Variants in MYH11 observed in about 807,000 individuals in gnomAD.
MYH11 encodes myosin-11.
MYH11 carries 80 observed loss-of-function variants against 246.6 expected under a neutral mutation model. The observed-to-expected ratio is 0.32, with a 90% CI of 0.27 to 0.39. MYH11 has a LOEUF of 0.39. Among genes scored for constraint, MYH11 ranks in the 10% least tolerant of loss-of-function variants. The probability of loss-of-function intolerance (pLI) is 1.00; values close to 1 mark genes in which losing one functional copy is unlikely to be tolerated. For synonymous variants in MYH11, 1,071 were observed against 1,015.5 expected (o/e 1.05, Z -1.04); for missense variants, 2,158 against 2,546.8 (o/e 0.85, Z 3.29).
chr16:15,806,858 G>A (rs1364037348), intron 3 of MYH11, among the ~76,000 whole-genome samples: 1 of 152,114 alleles, frequency 6.6e-6, no homozygotes, highest in Non-Finnish European at 1.5e-5. Context: ...GGCAACCAAG[G>A]TAGAAGCAAT....
intron 20 of MYH11, among the ~76,000 whole-genome samples, chr16:15,743,232 G>A (rs1336294579): frequency 2.6e-5 from 4 of 152,090 alleles, no homozygotes; most frequent in African/African-American, 9.7e-5. Flanking sequence ...GCAGTGGCAC[G>A]ATCTCAGCTC....
At chr16:15,714,767 A>G (rs1427766082) in intron 40 of MYH11, 142 bp downstream of exon 40, 1 of 1,097,502 alleles carries the variant, frequency 9.1e-7, no homozygotes, top group Non-Finnish European at 1.4e-6. Flanking sequence ...AAGCTTAGTG[A>G]TTAAGGAGAA....
chr16:15,775,981 G>T (rs1429200645), intron 8 of MYH11, 97 bp downstream of exon 8: 2 of 892,338 alleles, frequency 2.2e-6, no homozygotes, highest in Non-Finnish European at 3.8e-6. Flanking sequence ...TTTCTGGCAG[G>T]ATCTGAGACT....
rs374424173 is a variant in MYH11, at chr16:15,780,267, A to G, written c.727-1424T>C. Reference sequence around the variant, plus strand: ...TGGAAGCCATTATTTGGCTTGTCACATGTTGGGGGGGGGCCGCTGTTGTTA... The same window carrying G: ...TGGAAGCCATTATTTGGCTTGTCACGTGTTGGGGGGGGGCCGCTGTTGTTA... On this transcript the variant is annotated intron_variant, in intron 6 of 40. Transcript: ENST00000300036. Among the ~76,000 whole-genome samples, 292 of 144,812 alleles carry G rather than the reference A, an allele frequency of 2.0e-3. 2 individuals carry two copies. The highest frequency in any genetic ancestry group is 7.0e-3 in the African/African-American group (279 of 39,630).
At position 15,719,638 on chromosome 16, in the gene MYH11, C is replaced by T. The variant is rs1342104521; in HGVS notation, c.5029G>A (p.Glu1677Lys). Reference sequence around the variant, plus strand: ...AAGCTCTTGGCTTTCTTCTCATTCTCTTTGGCTGTGGCAAAGATCTCATCT... The same window carrying T: ...AAGCTCTTGGCTTTCTTCTCATTCTTTTTGGCTGTGGCAAAGATCTCATCT... ...SRDEIFATAK[E>K]NEKKAKSLEA... Residue 1677 changes from glutamate (E) to lysine (K), a missense_variant, in exon 35 of 41, where the codon GAG becomes AAG. Physicochemically the swap from Glu to Lys is moderately conservative, Grantham distance 56. Around this residue, in one of 11 missense-constraint regions of MYH11, gnomAD observed 1,013 missense variants for 993.5 expected, o/e 1.02. Coordinates refer to ENST00000300036, the MANE Select transcript of MYH11 (RefSeq NM_002474.3). The T allele has an allele frequency of 1.2e-6, 2 of 1,614,208 alleles. No homozygotes were observed. The highest frequency in any genetic ancestry group is 2.2e-5 in the South Asian group (2 of 91,086).
intron 10 of MYH11, 55 bp downstream of exon 10, chr16:15,763,741 T>TGCCCCC: frequency 3.1e-6 from 2 of 646,858 alleles, no homozygotes; most frequent in Non-Finnish European, 5.8e-6. Context: ...AAATGTCACC[T>TGCCCCC]CCCCCACCCC....
chr16:15,759,448 C>T, intron 12 of MYH11, 128 bp downstream of exon 12: 1 of 1,239,508 alleles, frequency 8.1e-7, no homozygotes, highest in South Asian at 1.2e-5. Flanking sequence ...ATGATCCACC[C>T]TTAACTAGAC....
At chr16:15,713,755 G>A (rs2039955816) in intron 40 of MYH11, 1 of 152,330 alleles carries the variant, frequency 6.6e-6, no homozygotes, top group Non-Finnish European at 1.5e-5. Context: ...AAAGTGCTGG[G>A]ATTATAGGTG....
At chr16:15,798,521 A>G in intron 4 of MYH11, 139 bp downstream of exon 4, 2 of 899,520 alleles carry the variant, frequency 2.2e-6, no homozygotes, top group Non-Finnish European at 3.4e-6. Context: ...TGCCAGGTAT[A>G]AAGAGAGGCA....
intron 4 of MYH11, among the ~76,000 whole-genome samples, chr16:15,796,565 G>C (rs1445908782): frequency 6.6e-6 from 1 of 152,208 alleles, no homozygotes; most frequent in Non-Finnish European, 1.5e-5. Context: ...GCTCACACAT[G>C]GGTTTGGCTC....
At chr16:15,845,561 T>C (rs535331833) in intron 1 of MYH11, among the ~76,000 whole-genome samples, 1 of 152,212 alleles carries the variant, frequency 6.6e-6, no homozygotes, top group Non-Finnish European at 1.5e-5. Context: ...GTCACAGAAG[T>C]GGCTTGATAC....
chr16:15,721,112 A>G, intron 32 of MYH11, 61 bp from the exon 33 acceptor site: 7 of 1,575,800 alleles, frequency 4.4e-6, no homozygotes, highest in Non-Finnish European at 6.1e-6. Flanking sequence ...CGATTGAGAA[A>G]CCCACCGTGA....
intron 27 of MYH11, among the ~76,000 whole-genome samples, chr16:15,727,874 G>C (rs992567505): frequency 6.6e-6 from 1 of 152,148 alleles, no homozygotes; most frequent in Non-Finnish European, 1.5e-5. Context: ...TCAGGAGGCG[G>C]ATGGCAGGCT....
chr16:15,823,458 A>G lies in MYH11; in HGVS notation c.346-47T>C, dbSNP rs1596904564. On this transcript the variant is annotated intron_variant, in intron 2 of 40. Coordinates refer to ENST00000300036, the MANE Select transcript of MYH11 (RefSeq NM_002474.3). Reference sequence around the variant, plus strand: ...TACTTCCAGACCTCCTCCAGGGTAGACAGATTGCACAGAAGCACTCAATAT... The same window carrying G: ...TACTTCCAGACCTCCTCCAGGGTAGGCAGATTGCACAGAAGCACTCAATAT... 24 of 1,609,924 alleles carry G rather than the reference A, an allele frequency of 1.5e-5. No individual in the cohort carries two copies. In the East Asian group the frequency reaches 5.3e-4, roughly 36 times the overall value.
chr16:15,850,653 G>A (rs1286846449), intron 1 of MYH11, among the ~76,000 whole-genome samples: 2 of 152,140 alleles, frequency 1.3e-5, no homozygotes, highest in Non-Finnish European at 2.9e-5. Flanking sequence ...TCCCAACACT[G>A]GGAGGCCAAG....
At chr16:15,738,728 CT>C in intron 23 of MYH11, 40 bp from the exon 24 acceptor site, 1 of 1,608,116 alleles carries the variant, frequency 6.2e-7, no homozygotes, top group Non-Finnish European at 8.5e-7. Flanking sequence ...TAGGATTTTT[CT>C]TTTCTCTAGA....
chr16:15,741,569 T>C lies in MYH11; in HGVS notation c.2753A>G (p.Gln918Arg). 6.2e-7 allele frequency: 1 copy of C among 1,611,750 alleles called. No homozygotes were observed. The highest frequency in any genetic ancestry group is 8.5e-7 in the Non-Finnish European group (1 of 1,180,010). The stretch of plus-strand genomic sequence containing the variant: ...CTCATGCAGTATCTCCTCCAGCTCC[T>C]GCTTCTTGGCCGCCAGCCGCACCCG... ...EMRVRLAAKK[Q>R]ELEEILHEME... The change falls in exon 22 of 41, where the codon CAG becomes CGG. Residue 918 changes from glutamine to arginine, a missense_variant. Coordinates refer to ENST00000300036, the MANE Select transcript of MYH11 (RefSeq NM_002474.3).
Position 15,719,629 on chromosome 16 carries a change from TCTC to T in MYH11, c.5035_5037del (p.Glu1679del). The T allele has an allele frequency of 3.7e-6, 6 of 1,614,180 alleles. No individual in the cohort carries two copies. Among genetic ancestry groups the T allele is most frequent in the South Asian group, 1.1e-5 (1 of 91,086 alleles). On this transcript the variant is annotated inframe_deletion, in exon 35 of 41. Transcript: ENST00000300036. ...TCTGCTTCCAAGCTCTTGGCTTTCT[TCTC>T]ATTCTCTTTGGCTGTGGCAAAGATC...
Position 15,826,774 on chromosome 16 carries a change from T to C in MYH11, c.346-3363A>G, listed in dbSNP as rs140576042. Among the ~76,000 whole-genome samples, 139 of 151,606 alleles carry C rather than the reference T, an allele frequency of 9.2e-4. 2 individuals are homozygous for C. In the East Asian group the frequency reaches 0.017, roughly 19 times the overall value. ...TGGGAGACCAAGGAGGGCAGATTGC[T>C]CACACTCAGGAGTTCAAGACCAACC... is the stretch of plus-strand genomic sequence containing the variant. On this transcript the variant is annotated intron_variant, in intron 2 of 40. Transcript: ENST00000300036.
Sources: allele counts gnomAD v4.1 joint callset (sites outside exome capture counted in the v4.1 genomes callset), GRCh38; gene constraint gnomAD v4.1.1; regional missense constraint gnomAD v4.1.1; transcripts MANE v1.5; gene names NCBI Gene and HGNC (gene_info 2026-07-23, HGNC 2026-07-21).